Variants in WHRN observed in about 807,000 individuals in gnomAD.
WHRN encodes the protein CASK-interacting protein CIP98.
In WHRN, 41 loss-of-function variants were observed where a neutral mutation model predicts 68.3. The ratio of observed to expected loss-of-function variants is 0.60; its 90% CI spans 0.47 to 0.78. WHRN has a LOEUF of 0.78. Ranked by LOEUF, WHRN falls within the 30% of genes least tolerant of loss-of-function variation. The probability of loss-of-function intolerance (pLI) is 0.00; values close to 1 mark genes in which losing one functional copy is unlikely to be tolerated. For synonymous variants in WHRN, 560 were observed against 561.3 expected (o/e 1.00, Z 0.03); for missense variants, 1,243 against 1,244.7 (o/e 1.00, Z 0.02).
rs572312301 is a variant in WHRN, at chr9:114,504,474, T to C, written c.328A>G (p.Thr110Ala). 1.1e-4 allele frequency: 174 copies of C among 1,607,990 alleles called. 1 individual carries two copies. The South Asian group carries it at 1.8e-3, about 17-fold the overall frequency. ...GCGGGCAGGTAGAGGCCCTCGGCCGTGTATTGGTCGAAGAGCAGCTGGTCG... is the reference window on the plus strand; with the variant it reads ...GCGGGCAGGTAGAGGCCCTCGGCCGCGTATTGGTCGAAGAGCAGCTGGTCG... ...RSDQLLFDQY[T>A]AEGLYLPATT... The change falls in exon 1 of 12, where the codon ACG becomes GCG. Residue 110 changes from threonine to alanine, a missense_variant. Coordinates refer to ENST00000362057, the MANE Select transcript of WHRN (RefSeq NM_015404.4).
intron 3 of WHRN, among the ~76,000 whole-genome samples, chr9:114,441,248 C>T (rs1387658180): frequency 2.6e-5 from 4 of 151,652 alleles, no homozygotes; most frequent in African/African-American, 4.8e-5. Context: ...CAATAGTAGG[C>T]TATCAATAGT....
At chr9:114,416,442 C>A (rs4979382) in intron 7 of WHRN, among the ~76,000 whole-genome samples, 2 of 152,032 alleles carry the variant, frequency 1.3e-5, no homozygotes, top group Non-Finnish European at 1.5e-5. Flanking sequence ...GGGAGGTGAT[C>A]GGATCATGCG....
chr9:114,423,523 A>C lies in WHRN; in HGVS notation c.1417T>G (p.Phe473Val). The C allele has an allele frequency of 6.2e-7, 1 of 1,604,740 alleles. No homozygotes were observed. ...CCTCTCACCTCAGAGAGGAGTGAGA[A>C]CTGGAGGCGGGGACAAAAGGGGCAC... ...LFKLLNTHAK[F>V]SLLSEVRGTI... The change falls in exon 7 of 12, where the codon TTC becomes GTC. Residue 473 changes from phenylalanine (F) to valine (V), a missense_variant and splice_region_variant. Coordinates refer to ENST00000362057, the MANE Select transcript of WHRN (RefSeq NM_015404.4).
chr9:114,403,366 G>A, intron 10 of WHRN, 27 bp from the exon 11 acceptor site: 2 of 1,613,704 alleles, frequency 1.2e-6, no homozygotes, highest in Non-Finnish European at 1.7e-6. Flanking sequence ...GGACACCACT[G>A]AGGCCTTCGC....
At chr9:114,438,577 C>T (rs1476439701) in intron 3 of WHRN, among the ~76,000 whole-genome samples, 6 of 151,620 alleles carry the variant, frequency 4.0e-5, no homozygotes, top group African/African-American at 1.5e-4. Flanking sequence ...CTCAGCCTCC[C>T]GAGTAGCTGG....
chr9:114,455,403 A>C (rs1437542909), intron 3 of WHRN, among the ~76,000 whole-genome samples: 1 of 152,148 alleles, frequency 6.6e-6, no homozygotes, highest in Non-Finnish European at 1.5e-5. Flanking sequence ...CTTTTAAGAG[A>C]AGACAAAGAC....
chr9:114,408,404 G>C (rs1835191287), intron 7 of WHRN, among the ~76,000 whole-genome samples: 1 of 152,210 alleles, frequency 6.6e-6, no homozygotes, highest in African/African-American at 2.4e-5. Context: ...TGTGAAAATG[G>C]CAAGAGAGAA....
intron 1 of WHRN, among the ~76,000 whole-genome samples, chr9:114,488,946 T>C (rs1474203209): frequency 6.6e-6 from 1 of 152,048 alleles, no homozygotes; most frequent in African/African-American, 2.4e-5. Flanking sequence ...ACTCTCCCCA[T>C]TGCTTCTGCT....
chr9:114,461,587 G>A (rs542114944), intron 3 of WHRN, among the ~76,000 whole-genome samples: 2 of 152,176 alleles, frequency 1.3e-5, no homozygotes, highest in African/African-American at 2.4e-5. Flanking sequence ...GGCTTTCCAC[G>A]TTCAGCCACA....
At chr9:114,422,663 G>A (rs140927779) in intron 7 of WHRN, among the ~76,000 whole-genome samples, 4,309 of 152,024 alleles carry the variant, frequency 0.028, 207 homozygotes, top group African/African-American at 0.099. Flanking sequence ...GCAAAACCCC[G>A]TCTCTACCCA....
In WHRN at chr9:114,504,678, G is replaced by A. The variant is rs1844250961; in HGVS notation, c.124C>T (p.Leu42=). ...AGCAGCGCGGTCAGCGCTTGGTGCA[G>A]CTGGCGCACGTTGGCAGACAGTAAC... is the stretch of plus-strand genomic sequence containing the variant. ...LRLLSANVRQ[L]HQALTALLSE... is the part of the protein sequence containing the mutation. The change falls in exon 1 of 12, where the codon CTG becomes TTG. Residue 42 remains leucine (L), a synonymous_variant. Coordinates refer to ENST00000362057, the MANE Select transcript of WHRN (RefSeq NM_015404.4). 6.9e-6 allele frequency: 11 copies of A among 1,599,202 alleles called. No individual in the cohort carries two copies. Among genetic ancestry groups the A allele is most frequent in the Non-Finnish European group, 9.4e-6 (11 of 1,176,270 alleles).
At chr9:114,427,444 G>A (rs892751245) in intron 3 of WHRN, among the ~76,000 whole-genome samples, 7 of 152,278 alleles carry the variant, frequency 4.6e-5, no homozygotes, top group South Asian at 4.2e-4. Context: ...GTCCAAGGAC[G>A]GGAAAGGGCT....
chr9:114,411,513 C>T (rs368950614), intron 7 of WHRN, among the ~76,000 whole-genome samples: 1 of 152,146 alleles, frequency 6.6e-6, no homozygotes, highest in Non-Finnish European at 1.5e-5. Context: ...GGACCAATGC[C>T]GTGGGATCCT....
chr9:114,418,959 C>A (rs1160807774), intron 7 of WHRN, among the ~76,000 whole-genome samples: 1 of 152,180 alleles, frequency 6.6e-6, no homozygotes, highest in African/African-American at 2.4e-5. Flanking sequence ...ACTGTATCCC[C>A]AGAACCTCAA....
At chr9:114,463,085 C>T (rs1232947217) in intron 3 of WHRN, among the ~76,000 whole-genome samples, 1 of 152,218 alleles carries the variant, frequency 6.6e-6, no homozygotes, top group Non-Finnish European at 1.5e-5. Context: ...ACCAAGGACA[C>T]TATGGCACCA....
At chr9:114,482,114 GA>G (rs1842138539) in intron 1 of WHRN, among the ~76,000 whole-genome samples, 1 of 150,966 alleles carries the variant, frequency 6.6e-6, no homozygotes, top group Non-Finnish European at 1.5e-5. Context: ...CAGGTCCATA[GA>G]AGGTCTTCAC....
chr9:114,406,659 G>C lies in WHRN; in HGVS notation c.1932C>G (p.Asp644Glu). 6.2e-7 allele frequency: 1 copy of C among 1,613,908 alleles called. No homozygotes were observed. The highest frequency in any genetic ancestry group is 8.5e-7 in the Non-Finnish European group (1 of 1,180,032). ...AGGCATAGATGGGGGAAGAGGGCAA[G>C]TCCTGTGCAGAGGAGGTCCCTGGGG... is the stretch of plus-strand genomic sequence containing the variant. Reference protein sequence around the residue: ...APTPGTSSAQDLPSSPIYASV... With the variant: ...APTPGTSSAQELPSSPIYASV... Residue 644 changes from aspartate to glutamate, a missense_variant, in exon 9 of 12, where the codon GAC (aspartate) becomes GAG (glutamate). Asp to Glu is a conservative substitution (Grantham distance 45). Coordinates refer to ENST00000362057, the MANE Select transcript of WHRN (RefSeq NM_015404.4).
At chr9:114,448,201 C>T (rs1839003436) in intron 3 of WHRN, among the ~76,000 whole-genome samples, 6 of 152,148 alleles carry the variant, frequency 3.9e-5, no homozygotes, top group Admixed American at 3.3e-4. Flanking sequence ...AATTCAGTGA[C>T]TTCTGCCCGT....
At chr9:114,486,959 GTA>G (rs869241280) in intron 1 of WHRN, among the ~76,000 whole-genome samples, 22 of 4,992 alleles carry the variant, frequency 4.4e-3, no homozygotes, top group African/African-American at 5.1e-3. Context: ...GTGTGTGTGT[GTA>G]TATATATATA....
Sources: allele counts gnomAD v4.1 joint callset (sites outside exome capture counted in the v4.1 genomes callset), GRCh38; gene constraint gnomAD v4.1.1; transcripts MANE v1.5; gene names NCBI Gene and HGNC (gene_info 2026-07-23, HGNC 2026-07-21).